Variants in PCDHGB4 observed in about 807,000 individuals in gnomAD.
PCDHGB4 encodes protocadherin gamma subfamily B, 4.
In PCDHGB4, 38 loss-of-function variants were observed where a neutral mutation model predicts 60.5. The ratio of observed to expected loss-of-function variants is 0.63; its 90% CI spans 0.48 to 0.82. The LOEUF is 0.82. PCDHGB4 is among the 40% of genes least tolerant of loss of function. The pLI is 0.00. For missense variants in PCDHGB4, 1,109 were observed against 1,209.6 expected, an observed-to-expected ratio of 0.92 and a Z score of 1.23; for synonymous variants, 456 against 509.7, an observed-to-expected ratio of 0.89 and a Z score of 1.42.
chr5:141,422,344 C>G, intron 1 of PCDHGB4: 1 of 1,550,890 alleles, frequency 6.4e-7, no homozygotes, highest in Non-Finnish European at 8.7e-7. Flanking sequence ...TCTAAATGTG[C>G]AAGATCAAGA....
Position 141,490,400 on chromosome 5 carries a change from T to A in PCDHGB4, c.2398-4407T>A. On this transcript the variant is annotated intron_variant, in intron 1 of 3. Coordinates refer to ENST00000519479, the MANE Select transcript of PCDHGB4 (RefSeq NM_003736.4). This position sits in a 1 kb window ranked among gnomAD's most constrained non-coding sequence, Gnocchi z 5.4. ...TCAGGTAGAAATGGTGAAGTGAGCC[T>A]TGATATCTCTCCGGACCTGCCATTT... The A allele has an allele frequency of 6.2e-7, 1 of 1,614,202 alleles. No homozygotes were observed. Among genetic ancestry groups the A allele is most frequent in the Non-Finnish European group, 8.5e-7 (1 of 1,180,032 alleles).
intron 1 of PCDHGB4, 63 bp from the exon 2 acceptor site, chr5:141,494,744 G>T: frequency 6.2e-7 from 1 of 1,612,702 alleles, no homozygotes; most frequent in South Asian, 1.1e-5. Flanking sequence ...CATCCCTAGG[G>T]GCTCGGGTGA....
chr5:141,421,513 C>G lies in PCDHGB4; in HGVS notation c.2397+31232C>G, dbSNP rs368199651. ...GGCAGGCAGGATAGACCGGGAGGAG[C>G]TCTGTGAGACGGTGTCCTCCTGTTT... On this transcript the variant is annotated intron_variant, in intron 1 of 3. Coordinates refer to ENST00000519479, the MANE Select transcript of PCDHGB4 (RefSeq NM_003736.4). 61 of 1,614,078 alleles carry G rather than the reference C, an allele frequency of 3.8e-5. No individual in the cohort carries two copies. The African/African-American group carries it at 7.5e-4, about 20-fold the overall frequency.
At chr5:141,423,797 C>A in intron 1 of PCDHGB4, 2 of 1,249,164 alleles carry the variant, frequency 1.6e-6, no homozygotes, top group African/African-American at 1.6e-5. Flanking sequence ...ATATTTAGAG[C>A]AATACATGTG....
intron 1 of PCDHGB4, chr5:141,478,451 G>A (rs377597887): frequency 2.5e-6 from 4 of 1,613,440 alleles, no homozygotes; most frequent in African/African-American, 2.7e-5. Context: ...ACCTGGTGCA[G>A]CCAGTCCACT....
In PCDHGB4 at chr5:141,476,928, T is replaced by C. The variant is rs1279715094; in HGVS notation, c.2398-17879T>C. 6.2e-7 allele frequency: 1 copy of C among 1,614,142 alleles called. No individual in the cohort carries two copies. The highest frequency in any genetic ancestry group is 2.2e-5 in the East Asian group (1 of 44,868). On this transcript the variant is annotated intron_variant, in intron 1 of 3. Transcript: ENST00000519479. This position sits in a 1 kb window ranked among gnomAD's most constrained non-coding sequence, Gnocchi z 7.6. ...GTGGTACAAGTCCTTGCAACGGATC[T>C]GGATGAAGGCCCCAACGGTGAAATT...
Position 141,485,274 on chromosome 5 carries a change from C to A in PCDHGB4, c.2398-9533C>A. 1 of 1,614,106 alleles carries A rather than the reference C, an allele frequency of 6.2e-7. No homozygotes were observed. The highest frequency in any genetic ancestry group is 1.3e-5 in the African/African-American group (1 of 75,036). ...TACGTTTGTGGGCAGATCCGCTACC[C>A]GGTCCCAGAGGAGTCACAGGAAGGG... On this transcript the variant is annotated intron_variant, in intron 1 of 3. Transcript: ENST00000519479. The surrounding 1 kb of genome is among the most constrained non-coding windows in gnomAD (Gnocchi z 5.7).
intron 2 of PCDHGB4, among the ~76,000 whole-genome samples, chr5:141,501,052 A>G (rs1007055288): frequency 6.6e-6 from 1 of 151,988 alleles, no homozygotes; most frequent in Non-Finnish European, 1.5e-5. Flanking sequence ...TATTTTTAGT[A>G]GAGACGGGGT....
In PCDHGB4 at chr5:141,511,112, G is replaced by C. The variant is rs767257788; in HGVS notation, c.2711G>C (p.Gly904Ala). The change falls in exon 4 of 4, where the codon GGC becomes GCC. Residue 904 changes from glycine (G) to alanine (A), a missense_variant. Coordinates refer to ENST00000519479, the MANE Select transcript of PCDHGB4 (RefSeq NM_003736.4). ...TLTNAAGKRD[G>A]KAPAGGNGNK... The stretch of plus-strand genomic sequence containing the variant: ...ACCAACGCAGCTGGCAAGCGGGATG[G>C]CAAGGCCCCAGCAGGTGGCAATGGC... The C allele has an allele frequency of 4.3e-6, 7 of 1,614,232 alleles. No homozygotes were observed. Among genetic ancestry groups the C allele is most frequent in the Non-Finnish European group, 5.9e-6 (7 of 1,180,024 alleles).
At chr5:141,445,963 A>G (rs2098483291) in intron 1 of PCDHGB4, among the ~76,000 whole-genome samples, 2 of 152,342 alleles carry the variant, frequency 1.3e-5, no homozygotes, top group South Asian at 2.1e-4. Flanking sequence ...TATATGGAGA[A>G]TTGATTTATG....
rs2099627530 is a variant in PCDHGB4, at chr5:141,486,292, T to C, written c.2398-8515T>C. On this transcript the variant is annotated intron_variant, in intron 1 of 3. Transcript: ENST00000519479. This position sits in a 1 kb window ranked among gnomAD's most constrained non-coding sequence, Gnocchi z 5.0. ...CTGGCACTGTGGTGGCACTTATCAGTGTGCAGGATCCAGACTCAGGGTCAA... is the reference window on the plus strand; with the variant it reads ...CTGGCACTGTGGTGGCACTTATCAGCGTGCAGGATCCAGACTCAGGGTCAA... 5 of 1,613,970 alleles carry C rather than the reference T, an allele frequency of 3.1e-6. No individual in the cohort carries two copies. The highest frequency in any genetic ancestry group is 4.2e-6 in the Non-Finnish European group (5 of 1,179,982).
chr5:141,393,979 AT>A (rs2092890598), intron 1 of PCDHGB4: 1 of 1,613,732 alleles, frequency 6.2e-7, no homozygotes, highest in South Asian at 1.1e-5. Context: ...ACACGTGATA[AT>A]TTACCTTTTA....
rs765751691 is a variant in PCDHGB4 at position 141,431,363 on chromosome 5, C to G, written c.2397+41082C>G. The G allele has an allele frequency of 6.2e-7, 1 of 1,614,024 alleles. No individual in the cohort carries two copies. The highest frequency in any genetic ancestry group is 2.2e-5 in the East Asian group (1 of 44,882). ...ATTGGTGCTGAAACGCGCCCTGGAC[C>G]GCGAAGAAAAGGCTGCTCACCACCT... is the stretch of plus-strand genomic sequence containing the variant. On this transcript the variant is annotated intron_variant, in intron 1 of 3. Transcript: ENST00000519479. This position sits in a 1 kb window ranked among gnomAD's most constrained non-coding sequence, Gnocchi z 4.8.
Position 141,388,439 on chromosome 5 carries a change from A to G in PCDHGB4, c.555A>G (p.Lys185=), listed in dbSNP as rs1209677690. 10 of 1,613,896 alleles carry G rather than the reference A, an allele frequency of 6.2e-6. No individual in the cohort carries two copies. Among genetic ancestry groups the G allele is most frequent in the Non-Finnish European group, 8.5e-6 (10 of 1,179,890 alleles). Residue 185 remains lysine (K), a synonymous_variant, in exon 1 of 4, where the codon AAA becomes AAG. Transcript: ENST00000519479. ...SDHFSLINKE[K]SDGSKYPEMV... is the part of the protein sequence containing the mutation. Reference sequence around the variant, plus strand: ...ATTTCTCACTGATAAATAAAGAGAAATCAGATGGCAGTAAATACCCTGAGA... The same window carrying G: ...ATTTCTCACTGATAAATAAAGAGAAGTCAGATGGCAGTAAATACCCTGAGA...
chr5:141,423,572 G>T (rs1239529114), intron 1 of PCDHGB4: 2 of 1,613,510 alleles, frequency 1.2e-6, no homozygotes, highest in African/African-American at 1.3e-5. Context: ...ACGCTCATCA[G>T]CCAGGAGAGC....
At chr5:141,404,795 G>C (rs769293241) in intron 1 of PCDHGB4, 4 of 1,614,042 alleles carry the variant, frequency 2.5e-6, no homozygotes, top group Admixed American at 1.7e-5. Flanking sequence ...CAGTGAGCCA[G>C]GGCTCTTCTC....
intron 1 of PCDHGB4, among the ~76,000 whole-genome samples, chr5:141,433,641 G>A (rs1177387884): frequency 6.6e-6 from 1 of 152,104 alleles, no homozygotes; most frequent in Non-Finnish European, 1.5e-5. Flanking sequence ...TTTGAGACCA[G>A]CCTGACCAAC....
In PCDHGB4 at chr5:141,476,762, G is replaced by A. The variant is rs1338892879; in HGVS notation, c.2398-18045G>A. The A allele has an allele frequency of 6.2e-7, 1 of 1,613,848 alleles. No individual in the cohort carries two copies. ...GCCTAGTCTCCAGTTAGTGCTGACG[G>A]CGTTGGACGGAGGGACCCCAGCTCT... On this transcript the variant is annotated intron_variant, in intron 1 of 3. Coordinates refer to ENST00000519479, the MANE Select transcript of PCDHGB4 (RefSeq NM_003736.4). The surrounding 1 kb of genome is among the most constrained non-coding windows in gnomAD (Gnocchi z 7.6).
intron 1 of PCDHGB4, among the ~76,000 whole-genome samples, chr5:141,481,820 C>T (rs2099545799): frequency 6.6e-6 from 1 of 150,726 alleles, no homozygotes; most frequent in Non-Finnish European, 1.5e-5. Context: ...GGCGTGGTGG[C>T]TGAGGCAGGA....
Sources: gnomAD v4.1 joint callset for allele counts (sites outside exome capture counted in the v4.1 genomes callset) on GRCh38, gnomAD v4.1.1 for gene constraint, Gnocchi (gnomAD v3.1) non-coding constraint, MANE v1.5 for transcripts, NCBI Gene and HGNC (gene_info 2026-07-23, HGNC 2026-07-21) for gene names.